The following PLXDC2 variants were observed in gnomAD, a reference collection of about 807,000 sequenced individuals.
PLXDC2 encodes the protein plexin domain containing 2.
A neutral mutation model predicts 68.9 loss-of-function variants in PLXDC2; 40 were observed. That is an observed-to-expected ratio of 0.58 (90% CI 0.45 to 0.76). PLXDC2 has a LOEUF of 0.76. Among genes scored for constraint, PLXDC2 ranks in the 30% least tolerant of loss-of-function variants. The pLI, the probability that PLXDC2 is intolerant of heterozygous loss-of-function variation, is 0.00. For synonymous variants in PLXDC2, 243 were observed against 234.2 expected (o/e 1.04, Z -0.34); for missense variants, 644 against 661.9 (o/e 0.97, Z 0.30).
chr10:19,891,315 C>G (rs528458697), intron 1 of PLXDC2, among the ~76,000 whole-genome samples: 8 of 152,260 alleles, frequency 5.3e-5, no homozygotes, highest in African/African-American at 1.7e-4. Flanking sequence ...TCTTGGCTTT[C>G]CATTTTTCTG....
chr10:20,165,742 C>T (rs1834366171), intron 7 of PLXDC2, among the ~76,000 whole-genome samples: 1 of 152,096 alleles, frequency 6.6e-6, no homozygotes. Flanking sequence ...ATTACGTTTG[C>T]CCATCTAGTC....
intron 1 of PLXDC2, among the ~76,000 whole-genome samples, chr10:19,949,123 C>CAAAAAAAAA (rs60138814): frequency 8.4e-5 from 7 of 82,922 alleles, no homozygotes; most frequent in South Asian, 4.5e-4. Context: ...GAGACTTTGT[C>CAAAAAAAAA]AAAAAAAAAA....
rs113779689 is a variant in PLXDC2, at chr10:19,873,620, G to A, written c.112+56429G>A. On this transcript the variant is annotated intron_variant, in intron 1 of 13. Coordinates refer to ENST00000377252, the MANE Select transcript of PLXDC2 (RefSeq NM_032812.9). ...TTTCTTTAATCCAGTGTTTGTCAAA[G>A]TATGATCCTTTGCACATTGAACCAG... is the stretch of plus-strand genomic sequence containing the variant. Among the ~76,000 whole-genome samples the A allele has an allele frequency of 3.5e-3, 536 of 152,170 alleles. 4 individuals are homozygous for A. Among genetic ancestry groups the A allele is most frequent in the African/African-American group, 0.011 (466 of 41,510 alleles).
chr10:19,901,611 C>T (rs1242999164), intron 1 of PLXDC2, among the ~76,000 whole-genome samples: 1 of 152,108 alleles, frequency 6.6e-6, no homozygotes, highest in Non-Finnish European at 1.5e-5. Flanking sequence ...TGAAGATTTT[C>T]TCTCACTCTG....
At chr10:20,023,188 G>A (rs911905408) in intron 2 of PLXDC2, among the ~76,000 whole-genome samples, 2 of 150,550 alleles carry the variant, frequency 1.3e-5, no homozygotes, top group Non-Finnish European at 3.0e-5. Context: ...TTCAGAAAAA[G>A]AAAGCATTAA....
chr10:20,269,317 CCAAA>C (rs754881466), intron 13 of PLXDC2, among the ~76,000 whole-genome samples: 2 of 151,920 alleles, frequency 1.3e-5, no homozygotes, highest in Non-Finnish European at 2.9e-5. Context: ...AATTTTAAGG[CCAAA>C]CAGCCACATA....
At chr10:20,154,488 C>T (rs962751239) in intron 6 of PLXDC2, among the ~76,000 whole-genome samples, 14 of 150,528 alleles carry the variant, frequency 9.3e-5, no homozygotes, top group East Asian at 3.9e-4. Context: ...CTCTTGAACC[C>T]GGGAGGCAGA....
chr10:20,256,662 T>C (rs1228030971), intron 13 of PLXDC2, among the ~76,000 whole-genome samples: 11 of 152,160 alleles, frequency 7.2e-5, no homozygotes, highest in African/African-American at 2.7e-4. Context: ...ATTTATGTTA[T>C]TTCCTTTTTT....
At chr10:19,861,013 T>C (rs996471271) in intron 1 of PLXDC2, among the ~76,000 whole-genome samples, 1 of 151,802 alleles carries the variant, frequency 6.6e-6, no homozygotes, top group Non-Finnish European at 1.5e-5. Context: ...TGGGTGATTT[T>C]TTTTTTTTTT....
chr10:19,961,981 C>T (rs557178138), intron 1 of PLXDC2, among the ~76,000 whole-genome samples: 8 of 152,170 alleles, frequency 5.3e-5, no homozygotes, highest in South Asian at 4.2e-4. Flanking sequence ...ATCTCCTATG[C>T]CTTTTTTGAA....
chr10:19,950,122 C>T (rs2131405763), intron 1 of PLXDC2, among the ~76,000 whole-genome samples: 1 of 152,288 alleles, frequency 6.6e-6, no homozygotes, highest in South Asian at 2.1e-4. Context: ...AGGATGCCCA[C>T]TCTCTGCACT....
At chr10:20,174,615 G>C (rs1834500467) in intron 7 of PLXDC2, among the ~76,000 whole-genome samples, 1 of 152,014 alleles carries the variant, frequency 6.6e-6, no homozygotes, top group Non-Finnish European at 1.5e-5. Flanking sequence ...GACACAGGAA[G>C]GGGAACATCA....
intron 4 of PLXDC2, among the ~76,000 whole-genome samples, chr10:20,075,805 G>A (rs1266101017): frequency 6.6e-6 from 1 of 152,188 alleles, no homozygotes; most frequent in African/African-American, 2.4e-5. Flanking sequence ...GGGGGAAGGT[G>A]GATCAGCTGA....
chr10:19,911,098 A>G (rs1056059909), intron 1 of PLXDC2, among the ~76,000 whole-genome samples: 3 of 151,904 alleles, frequency 2.0e-5, no homozygotes, highest in African/African-American at 7.3e-5. Context: ...CGGGGGTGTG[A>G]CTTGCTCACC....
intron 4 of PLXDC2, 76 bp downstream of exon 4, chr10:20,068,315 T>C (rs537952584): frequency 8.5e-7 from 1 of 1,181,168 alleles, no homozygotes; most frequent in South Asian, 1.4e-5. Flanking sequence ...TTACTCTATA[T>C]TTCAAGATGG....
intron 6 of PLXDC2, among the ~76,000 whole-genome samples, chr10:20,156,600 T>C (rs10128246): frequency 6.6e-6 from 1 of 152,124 alleles, no homozygotes; most frequent in Admixed American, 6.5e-5. Flanking sequence ...AGGTGGATTT[T>C]ACTTATCATC....
chr10:19,885,903 A>T (rs1451262957), intron 1 of PLXDC2, among the ~76,000 whole-genome samples: 2 of 152,094 alleles, frequency 1.3e-5, no homozygotes, highest in East Asian at 1.9e-4. Context: ...AGTCATTGGT[A>T]GCTTGATGGG....
chr10:20,013,998 A>C (rs1835160328), intron 2 of PLXDC2, among the ~76,000 whole-genome samples: 1 of 152,210 alleles, frequency 6.6e-6, no homozygotes, highest in Non-Finnish European at 1.5e-5. Flanking sequence ...TATTCATTAG[A>C]AATTTTTCTC....
intron 7 of PLXDC2, among the ~76,000 whole-genome samples, chr10:20,171,507 A>T (rs1231189737): frequency 6.6e-6 from 1 of 152,182 alleles, no homozygotes; most frequent in Non-Finnish European, 1.5e-5. Context: ...CTCATAAAAC[A>T]CTTCCAAGAA....
Sources: allele counts gnomAD v4.1 joint callset (sites outside exome capture counted in the v4.1 genomes callset), GRCh38; gene constraint gnomAD v4.1.1; transcripts MANE v1.5; gene names NCBI Gene and HGNC (gene_info 2026-07-23, HGNC 2026-07-21).